Variants in RINT1 observed in about 807,000 individuals in gnomAD.
RINT1 encodes the protein RAD50 interactor 1.
Under a neutral mutation model 97.7 loss-of-function variants are expected in RINT1, and 75 were observed. That is an observed-to-expected ratio of 0.77 (90% CI 0.64 to 0.93). RINT1 has a LOEUF of 0.93. Ranked by LOEUF, RINT1 falls within the 40% of genes least tolerant of loss-of-function variation. The probability of loss-of-function intolerance (pLI) is 0.00; values close to 1 mark genes in which losing one functional copy is unlikely to be tolerated. For synonymous variants in RINT1, 303 were observed against 326.3 expected (o/e 0.93, Z 0.77); for missense variants, 892 against 925.2 (o/e 0.96, Z 0.47).
chr7:105,567,585 T>C lies in RINT1; in HGVS notation c.*274T>C. ...TGTCTGTTGAAGACGAGCAGAGATA[T>C]TAAATTATAACCAACTTTCAATTTC... On this transcript the variant is annotated 3_prime_UTR_variant, in exon 15 of 15. Coordinates refer to ENST00000257700, the MANE Select transcript of RINT1 (RefSeq NM_021930.6). The C allele has an allele frequency of 3.3e-6, 2 of 598,656 alleles. No homozygotes were observed. Among genetic ancestry groups the C allele is most frequent in the South Asian group, 4.1e-5 (2 of 48,390 alleles). The allele number at this position is 598,656 out of a possible 1,614,324, so 37.1% of individuals were successfully genotyped here.
rs376253261 is a variant in RINT1 at position 105,563,964 on chromosome 7, A to T, written c.1886+17A>T. 3.8e-6 allele frequency: 6 copies of T among 1,574,186 alleles called. No homozygotes were observed. The East Asian group carries it at 9.0e-5, about 23-fold the overall frequency. Reference sequence around the variant, plus strand: ...AAAAGAAAGGTATGTCCTCTATGTAAGTCAGCTCTTAACACCAGTTTGGTA... The same window carrying T: ...AAAAGAAAGGTATGTCCTCTATGTATGTCAGCTCTTAACACCAGTTTGGTA... On this transcript the variant is annotated intron_variant, in intron 12 of 14. Transcript: ENST00000257700.
chr7:105,551,798 G>A (rs2133408642), intron 10 of RINT1, 91 bp downstream of exon 10: 1 of 1,057,372 alleles, frequency 9.5e-7, no homozygotes, highest in Non-Finnish European at 1.3e-6. Context: ...GGGTGCAGTG[G>A]CTCATGCCTG....
At chr7:105,563,468 A>G (rs1791531880) in intron 11 of RINT1, among the ~76,000 whole-genome samples, 1 of 152,026 alleles carries the variant, frequency 6.6e-6, no homozygotes, top group Admixed American at 6.6e-5. Context: ...TCAAGCTAGG[A>G]TTACAGGCAC....
intron 3 of RINT1, chr7:105,541,862 T>G (rs991220487): frequency 6.6e-6 from 1 of 152,254 alleles, no homozygotes; most frequent in Non-Finnish European, 1.5e-5. Flanking sequence ...GCCAGTGAGT[T>G]AAGTCCCTTT....
intron 11 of RINT1, among the ~76,000 whole-genome samples, chr7:105,556,411 C>T (rs1045081312): frequency 6.6e-6 from 1 of 151,902 alleles, no homozygotes; most frequent in African/African-American, 2.4e-5. Context: ...AACCTCTTTT[C>T]TGCCCCCCAA....
intron 4 of RINT1, among the ~76,000 whole-genome samples, chr7:105,544,560 G>A (rs913671147): frequency 6.6e-5 from 10 of 151,710 alleles, no homozygotes; most frequent in Non-Finnish European, 1.0e-4. Flanking sequence ...TTGGCCTCCC[G>A]AGTAGCTAGG....
chr7:105,561,595 C>T (rs1478934821), intron 11 of RINT1, among the ~76,000 whole-genome samples: 1 of 152,100 alleles, frequency 6.6e-6, no homozygotes, highest in Non-Finnish European at 1.5e-5. Context: ...GGGTTTCACT[C>T]TTGTCGCCCA....
In RINT1 at chr7:105,567,395, GA is replaced by G; in HGVS notation, c.*86del. 1.1e-6 allele frequency: 1 copy of G among 938,864 alleles called. No individual in the cohort carries two copies. Among genetic ancestry groups the G allele is most frequent in the Non-Finnish European group, 1.7e-6 (1 of 604,994 alleles). The allele number at this position is 938,864 out of a possible 1,614,324, so 58.2% of individuals were successfully genotyped here. A position where few individuals can be genotyped will look rare whatever the true frequency, so the allele number is the denominator to read the frequency against. On this transcript the variant is annotated 3_prime_UTR_variant, in exon 15 of 15. Transcript: ENST00000257700. The stretch of plus-strand genomic sequence containing the variant: ...ATTTCAAGTTATATGATGAAATTCT[GA>G]ATTAATGAAACTGGAAAACTTTATA...
intron 11 of RINT1, among the ~76,000 whole-genome samples, chr7:105,559,695 G>A (rs1791354019): frequency 6.6e-6 from 1 of 152,172 alleles, no homozygotes; most frequent in African/African-American, 2.4e-5. Flanking sequence ...GCTCCAGCCT[G>A]GATGACAAGA....
intron 11 of RINT1, among the ~76,000 whole-genome samples, chr7:105,561,787 C>T (rs533580238): frequency 8.7e-4 from 133 of 152,116 alleles, no homozygotes; most frequent in African/African-American, 3.2e-3. Context: ...GTCTCAAACT[C>T]CTGACCTCAG....
At chr7:105,535,529 A>T (rs1464487487) in intron 2 of RINT1, 1 of 449,428 alleles carries the variant, frequency 2.2e-6, no homozygotes, top group Non-Finnish European at 4.4e-6. Flanking sequence ...CGCCCAGCCA[A>T]ACCTTTTTTA....
chr7:105,547,244 A>G lies in RINT1; in HGVS notation c.750A>G (p.Gln250=). ...HWPFIAPPQS[Q]TVGLSRPASA... ...CATTCATCGCACCCCCTCAATCACA[A>G]ACTGTTGGCTTAAGTCGACCTGCCA... The change falls in exon 6 of 15, where the codon CAA becomes CAG. Residue 250 remains glutamine (Q), a synonymous_variant. Transcript: ENST00000257700. The G allele has an allele frequency of 6.2e-7, 1 of 1,614,190 alleles. No individual in the cohort carries two copies. The highest frequency in any genetic ancestry group is 1.1e-5 in the South Asian group (1 of 91,086).
At chr7:105,540,294 ACT>A (rs1285880412) in intron 3 of RINT1, among the ~76,000 whole-genome samples, 2 of 141,358 alleles carry the variant, frequency 1.4e-5, no homozygotes, top group East Asian at 4.1e-4. Context: ...ACAGAGTCTC[ACT>A]CTGTCGCCCA....
chr7:105,536,558 G>A lies in RINT1; in HGVS notation c.89-7G>A. ...GGCGTTGAGTAATTGTTATTCTTTT[G>A]TTGTAGGTGACATAAATGTTACAGT... On this transcript the variant is annotated splice_polypyrimidine_tract_variant and splice_region_variant and intron_variant, in intron 2 of 14. Coordinates refer to ENST00000257700, the MANE Select transcript of RINT1 (RefSeq NM_021930.6). 1 of 1,562,140 alleles carries A rather than the reference G, an allele frequency of 6.4e-7. No homozygotes were observed.
chr7:105,554,903 T>A lies in RINT1; in HGVS notation c.1472-125T>A, dbSNP rs546945750. 21 of 700,492 alleles carry A rather than the reference T, an allele frequency of 3.0e-5. No individual in the cohort carries two copies. In the East Asian group the frequency reaches 5.5e-4, roughly 18 times the overall value. 43.4% of individuals were successfully genotyped at this position (700,492 alleles called of 1,614,324 possible). A position where few individuals can be genotyped will look rare whatever the true frequency, so the allele number is the denominator to read the frequency against. ...ATCCTTAAGAGAGCTCAGAAATAAA[T>A]CCATTCTTGACTACTGGTCAATTGA... On this transcript the variant is annotated intron_variant, in intron 10 of 14. Coordinates refer to ENST00000257700, the MANE Select transcript of RINT1 (RefSeq NM_021930.6).
intron 7 of RINT1, 63 bp from the exon 8 acceptor site, chr7:105,549,992 A>T (rs2133399637): frequency 2.9e-6 from 3 of 1,041,308 alleles, no homozygotes; most frequent in Non-Finnish European, 4.4e-6. Flanking sequence ...AAATAGAACC[A>T]TGTAATTGTA....
rs1020951792 is a variant in RINT1 at position 105,564,080 on chromosome 7, A to G, written c.1886+133A>G. On this transcript the variant is annotated intron_variant, in intron 12 of 14. Transcript: ENST00000257700. The stretch of plus-strand genomic sequence containing the variant: ...CTTTATTGTTGATGGAAATATTTCT[A>G]AAGTATGTTCTCTTGGACATTTTTT... 10 of 652,730 alleles carry G rather than the reference A, an allele frequency of 1.5e-5. No homozygotes were observed. In the East Asian group the frequency reaches 2.2e-4, roughly 14 times the overall value. The allele number at this position is 652,730 out of a possible 1,614,324, so 40.4% of individuals were successfully genotyped here. A position where few individuals can be genotyped will look rare whatever the true frequency, so the allele number is the denominator to read the frequency against.
chr7:105,561,172 A>G (rs768318310), intron 11 of RINT1, among the ~76,000 whole-genome samples: 54 of 152,024 alleles, frequency 3.6e-4, no homozygotes, highest in Middle Eastern at 6.8e-3. Flanking sequence ...AAAATTTCAG[A>G]CCTTTATAAT....
intron 11 of RINT1, among the ~76,000 whole-genome samples, chr7:105,562,835 G>A (rs180711214): frequency 6.6e-5 from 10 of 152,118 alleles, no homozygotes; most frequent in Admixed American, 3.3e-4. Flanking sequence ...CCCGGGAGGC[G>A]GAGACTGCAG....
Sources: allele counts gnomAD v4.1 joint callset (sites outside exome capture counted in the v4.1 genomes callset), GRCh38; gene constraint gnomAD v4.1.1; transcripts MANE v1.5; gene names NCBI Gene and HGNC (gene_info 2026-07-23, HGNC 2026-07-21).